PDE11A: variants seen among roughly 807,000 people sequenced by gnomAD.
PDE11A encodes dual 3',5'-cyclic-AMP and -GMP phosphodiesterase 11A.
PDE11A carries 100 observed loss-of-function variants against 100.5 expected under a neutral mutation model. That is an observed-to-expected ratio of 1.00 (90% CI 0.85 to 1.18). The LOEUF is 1.18. Ranked by LOEUF, PDE11A falls within the 50% of genes most tolerant of loss-of-function variation. The pLI is 0.00. For missense variants in PDE11A, 1,141 were observed against 1,152.6 expected (o/e 0.99, Z 0.15); for synonymous variants, 381 against 420.8 (o/e 0.91, Z 1.16).
intron 1 of PDE11A, among the ~76,000 whole-genome samples, chr2:178,043,898 C>T (rs2086713232): frequency 6.6e-6 from 1 of 152,180 alleles, no homozygotes; most frequent in South Asian, 2.1e-4. Flanking sequence ...GGGCTCTTTT[C>T]ACCATATTAT....
intron 2 of PDE11A, among the ~76,000 whole-genome samples, chr2:177,905,563 C>T (rs1471504755): frequency 1.3e-5 from 2 of 152,170 alleles, no homozygotes; most frequent in Non-Finnish European, 2.9e-5. Flanking sequence ...TGCCCATACT[C>T]ACATTTGGAG....
chr2:178,087,406 C>T (rs780321023), intron 2 of PDE11A, among the ~76,000 whole-genome samples: 6 of 151,316 alleles, frequency 4.0e-5, no homozygotes, highest in Non-Finnish European at 8.8e-5. Context: ...TATTTTTCAG[C>T]CACACAAAAA....
intron 19 of PDE11A, among the ~76,000 whole-genome samples, chr2:177,631,542 T>C (rs913928907): frequency 0.098 from 2,869 of 29,344 alleles, 517 homozygotes; most frequent in East Asian, 0.21. Flanking sequence ...TATATATATA[T>C]ATATACACAT....
chr2:177,718,073 T>C (rs1156457378), intron 12 of PDE11A, among the ~76,000 whole-genome samples: 1 of 152,242 alleles, frequency 6.6e-6, no homozygotes, highest in African/African-American at 2.4e-5. Flanking sequence ...CTATTATATA[T>C]TGAGCACTGG....
intron 6 of PDE11A, among the ~76,000 whole-genome samples, chr2:177,826,064 C>G (rs546989779): frequency 1.3e-5 from 2 of 152,256 alleles, no homozygotes; most frequent in Admixed American, 6.5e-5. Context: ...ACATTTACAC[C>G]ATTAGAGTCT....
At chr2:177,770,730 C>T (rs1530036) in intron 9 of PDE11A, among the ~76,000 whole-genome samples, 59,402 of 152,160 alleles carry the variant, frequency 0.39, 14,341 homozygotes, top group East Asian at 0.63. Flanking sequence ...AATAAATGCA[C>T]ATTGGTGGCA....
rs142239730 is a variant in PDE11A, at chr2:178,002,680, TTA to T, written c.1071+11620_1071+11621del. ...TTTTCTAGTTAAAAAATTATGCCAG[TTA>T]CAAAAAATTATATCAAAAATTAGAC... On this transcript the variant is annotated intron_variant, in intron 2 of 19. Transcript: ENST00000286063. 4.7e-3 allele frequency among the ~76,000 whole-genome samples: 715 copies of T among 152,290 alleles called. 3 individuals are homozygous for T. The highest frequency in any genetic ancestry group is 0.017 in the African/African-American group (688 of 41,576).
chr2:177,709,558 G>A (rs565098258), intron 13 of PDE11A, among the ~76,000 whole-genome samples: 1 of 152,316 alleles, frequency 6.6e-6, no homozygotes, highest in African/African-American at 2.4e-5. Context: ...CTGGAGATAA[G>A]CTGGGAATTA....
At chr2:177,769,837 G>T (rs2082286885) in intron 9 of PDE11A, among the ~76,000 whole-genome samples, 1 of 141,064 alleles carries the variant, frequency 7.1e-6, no homozygotes. Flanking sequence ...GCAGTGAGCT[G>T]AGATCATGCC....
chr2:177,823,164 T>G (rs2083168285), intron 6 of PDE11A, among the ~76,000 whole-genome samples: 1 of 152,166 alleles, frequency 6.6e-6, no homozygotes, highest in Non-Finnish European at 1.5e-5. Flanking sequence ...ATTCGTCCAG[T>G]GTACTCTTCC....
At chr2:177,711,731 G>A (rs1271594026) in intron 13 of PDE11A, 38 bp downstream of exon 13, 1 of 1,110,646 alleles carries the variant, frequency 9.0e-7, no homozygotes, top group South Asian at 1.3e-5. Flanking sequence ...GAACAGAAAG[G>A]CAAATGCATT....
chr2:177,936,062 C>T (rs2085268611), intron 2 of PDE11A, among the ~76,000 whole-genome samples: 1 of 152,156 alleles, frequency 6.6e-6, no homozygotes, highest in Non-Finnish European at 1.5e-5. Context: ...ATGTATTTAT[C>T]TTAACCTACC....
chr2:178,079,500 A>G (rs2087256775), intron 2 of PDE11A, among the ~76,000 whole-genome samples: 1 of 152,146 alleles, frequency 6.6e-6, no homozygotes, highest in South Asian at 2.1e-4. Flanking sequence ...ATAGTATTTC[A>G]TGGTGCATAT....
At chr2:177,711,700 G>T in intron 13 of PDE11A, 69 bp downstream of exon 13, 1 of 876,128 alleles carries the variant, frequency 1.1e-6, no homozygotes, top group Non-Finnish European at 1.9e-6. Context: ...TTACTCTTTA[G>T]CATTCGTCAC....
chr2:177,738,510 G>A (rs572835065), intron 10 of PDE11A, among the ~76,000 whole-genome samples: 1 of 152,324 alleles, frequency 6.6e-6, no homozygotes, highest in Admixed American at 6.5e-5. Context: ...TGCCAGTCCA[G>A]CATGATCTTT....
chr2:177,816,724 T>C (rs1310826457), intron 9 of PDE11A, 105 bp downstream of exon 9: 10 of 769,812 alleles, frequency 1.3e-5, no homozygotes, highest in Admixed American at 3.5e-5. Context: ...TAAGGCCCAA[T>C]GAATAATTAA....
At chr2:177,801,639 C>T (rs1301369714) in intron 9 of PDE11A, among the ~76,000 whole-genome samples, 1 of 151,732 alleles carries the variant, frequency 6.6e-6, no homozygotes, top group African/African-American at 2.4e-5. Flanking sequence ...CAAAGTGATC[C>T]CATGGAAAAA....
intron 9 of PDE11A, among the ~76,000 whole-genome samples, chr2:177,804,424 A>AAAC (rs1207559485): frequency 6.6e-6 from 1 of 152,076 alleles, no homozygotes; most frequent in Non-Finnish European, 1.5e-5. Flanking sequence ...AAAAGTCAAA[A>AAAC]AACAACAGAT....
intron 2 of PDE11A, among the ~76,000 whole-genome samples, chr2:177,910,633 GCA>G (rs1359398824): frequency 2.2e-5 from 3 of 133,924 alleles, no homozygotes; most frequent in Non-Finnish European, 4.9e-5. Flanking sequence ...CGGCTTGAAA[GCA>G]CTTTATGAAC....
Sources: gnomAD v4.1 joint callset for allele counts (sites outside exome capture counted in the v4.1 genomes callset) on GRCh38, gnomAD v4.1.1 for gene constraint, MANE v1.5 for transcripts, NCBI Gene and HGNC (gene_info 2026-07-23, HGNC 2026-07-21) for gene names.